STAU2: variants seen among roughly 807,000 people sequenced by gnomAD.
The protein encoded by STAU2 is staufen double-stranded RNA binding protein 2.
STAU2 carries 20 observed loss-of-function variants against 65.9 expected under a neutral mutation model. The ratio of observed to expected loss-of-function variants is 0.30; its 90% CI spans 0.21 to 0.44. STAU2 has a LOEUF of 0.44. STAU2 is among the 20% of genes least tolerant of loss of function. STAU2 has a pLI of 1.00. For missense variants in STAU2, 558 were observed against 683.9 expected, an observed-to-expected ratio of 0.82 and a Z score of 2.05; for synonymous variants, 232 against 233.9, an observed-to-expected ratio of 0.99 and a Z score of 0.07.
intron 13 of STAU2, among the ~76,000 whole-genome samples, chr8:73,498,007 C>A (rs564363980): frequency 2.6e-5 from 4 of 151,956 alleles, no homozygotes; most frequent in South Asian, 4.1e-4. Context: ...ACATAATATA[C>A]TGATCTCTTA....
In STAU2 at chr8:73,649,871, A is replaced by T. The variant is rs1343536264; in HGVS notation, c.410+23236T>A. 5.5e-5 allele frequency among the ~76,000 whole-genome samples: 5 copies of T among 90,940 alleles called. 1 individual carries two copies. The highest frequency in any genetic ancestry group is 8.5e-5 in the Non-Finnish European group (4 of 46,824). The allele number at this position is 90,940 out of a possible 152,430, so 59.7% of individuals were successfully genotyped here. On this transcript the variant is annotated intron_variant, in intron 6 of 14. Transcript: ENST00000524300. ...GTATATATGTCTTCTATATAATTTT[A>T]TATATATATATATATATATATATAT...
intron 6 of STAU2, among the ~76,000 whole-genome samples, chr8:73,655,928 A>G (rs902173609): frequency 9.2e-5 from 14 of 151,778 alleles, no homozygotes; most frequent in East Asian, 5.8e-4. Flanking sequence ...GATTACAGGC[A>G]TGAGCCACTG....
intron 13 of STAU2, among the ~76,000 whole-genome samples, chr8:73,433,865 T>C (rs183087658): frequency 2.6e-5 from 4 of 151,928 alleles, no homozygotes; most frequent in African/African-American, 9.7e-5. Flanking sequence ...GAAACAGAGC[T>C]GCGGGCACAT....
At chr8:73,700,032 A>G (rs1819982744) in intron 4 of STAU2, among the ~76,000 whole-genome samples, 1 of 152,096 alleles carries the variant, frequency 6.6e-6, no homozygotes, top group Non-Finnish European at 1.5e-5. Context: ...ACACAAACCA[A>G]TCAATGTGAT....
chr8:73,639,364 G>T (rs561523677), intron 6 of STAU2, among the ~76,000 whole-genome samples: 1 of 152,008 alleles, frequency 6.6e-6, no homozygotes, highest in African/African-American at 2.4e-5. Flanking sequence ...CTCTTTGAAG[G>T]GAGGACATGA....
rs1401599300 is a variant in STAU2, at chr8:73,522,650, T to C, written c.1530+29362A>G. Among the ~76,000 whole-genome samples, 7 of 152,332 alleles carry C rather than the reference T, an allele frequency of 4.6e-5. 1 individual carries two copies. In the East Asian group the frequency reaches 5.8e-4, roughly 13 times the overall value. ...TCTGAAAATTTAAGCTATGTTTTTG[T>C]TCTGGACAATTGAACTAATTTGAGT... On this transcript the variant is annotated intron_variant, in intron 13 of 14. Coordinates refer to ENST00000524300, the MANE Select transcript of STAU2 (RefSeq NM_001164380.2).
intron 3 of STAU2, among the ~76,000 whole-genome samples, chr8:73,717,127 A>G (rs1030500722): frequency 1.3e-5 from 2 of 152,132 alleles, no homozygotes; most frequent in Admixed American, 6.5e-5. Flanking sequence ...AAGTAGTAGG[A>G]AAAAGATGAA....
intron 13 of STAU2, among the ~76,000 whole-genome samples, chr8:73,523,842 G>C (rs1259753973): frequency 6.6e-6 from 1 of 152,134 alleles, no homozygotes; most frequent in African/African-American, 2.4e-5. Flanking sequence ...TAAATTTTTT[G>C]CATTTTATAG....
intron 13 of STAU2, among the ~76,000 whole-genome samples, chr8:73,469,160 A>G (rs1489909442): frequency 6.6e-6 from 1 of 152,244 alleles, no homozygotes; most frequent in African/African-American, 2.4e-5. Flanking sequence ...TTGTAGGGAC[A>G]TAGATGAAGC....
intron 6 of STAU2, among the ~76,000 whole-genome samples, chr8:73,620,199 A>G (rs996254395): frequency 1.3e-5 from 2 of 152,224 alleles, no homozygotes; most frequent in Admixed American, 1.3e-4. Context: ...CCACCTCCAC[A>G]TAACTTTGTT....
At chr8:73,537,057 C>T (rs1325699143) in intron 13 of STAU2, among the ~76,000 whole-genome samples, 1 of 152,042 alleles carries the variant, frequency 6.6e-6, no homozygotes, top group Non-Finnish European at 1.5e-5. Context: ...ACTCTTGAAA[C>T]AGATTTTAAA....
At chr8:73,576,167 T>C (rs1809534124) in intron 12 of STAU2, among the ~76,000 whole-genome samples, 1 of 152,132 alleles carries the variant, frequency 6.6e-6, no homozygotes, top group African/African-American at 2.4e-5. Context: ...CTTATACATG[T>C]GCACCCATAG....
intron 13 of STAU2, chr8:73,441,557 A>G (rs1441669688): frequency 1.3e-5 from 2 of 152,210 alleles, no homozygotes. Context: ...TGAATACTCA[A>G]CATCTAGAAT....
At chr8:73,636,409 C>G (rs1814517767) in intron 6 of STAU2, among the ~76,000 whole-genome samples, 1 of 151,748 alleles carries the variant, frequency 6.6e-6, no homozygotes, top group Non-Finnish European at 1.5e-5. Context: ...ACACACTTCA[C>G]AGGAACATAA....
intron 6 of STAU2, among the ~76,000 whole-genome samples, chr8:73,632,340 A>G (rs1489105307): frequency 6.6e-6 from 1 of 152,128 alleles, no homozygotes; most frequent in East Asian, 1.9e-4. Flanking sequence ...CAGGATGTCA[A>G]GCAAACCAAT....
chr8:73,426,877 A>G (rs931723734), intron 13 of STAU2, among the ~76,000 whole-genome samples: 2 of 151,960 alleles, frequency 1.3e-5, no homozygotes, highest in Non-Finnish European at 2.9e-5. Flanking sequence ...CCTTATGATA[A>G]ATTCCTAAAA....
At chr8:73,626,074 T>C (rs939540419) in intron 6 of STAU2, among the ~76,000 whole-genome samples, 28 of 146,060 alleles carry the variant, frequency 1.9e-4, no homozygotes, top group Non-Finnish European at 2.9e-4. Context: ...TAAGTACACA[T>C]ACACACACAC....
chr8:73,485,007 C>G (rs1398242802), intron 13 of STAU2, among the ~76,000 whole-genome samples: 1 of 152,000 alleles, frequency 6.6e-6, no homozygotes, highest in Non-Finnish European at 1.5e-5. Context: ...TAGATACATT[C>G]TAATTTCACA....
chr8:73,591,915 CAAGAG>C (rs369130730), intron 11 of STAU2, among the ~76,000 whole-genome samples: 1,431 of 43,640 alleles, frequency 0.033, 56 homozygotes, highest in African/African-American at 0.094. Context: ...AAAAAAAAAA[CAAGAG>C]AGAGACAAGA....
Sources: allele counts gnomAD v4.1 joint callset (sites outside exome capture counted in the v4.1 genomes callset), GRCh38; gene constraint gnomAD v4.1.1; transcripts MANE v1.5; gene names NCBI Gene and HGNC (gene_info 2026-07-23, HGNC 2026-07-21).